Variants in UGT1A5 observed in about 807,000 individuals in gnomAD.
UGT1A5 encodes the protein UDP-glucuronosyltransferase 1A5.
Under a neutral mutation model 40.3 loss-of-function variants are expected in UGT1A5, and 29 were observed. That is an observed-to-expected ratio of 0.72 (90% CI 0.54 to 0.98). UGT1A5 has a LOEUF of 0.98. Among genes scored for constraint, UGT1A5 ranks in the 50% least tolerant of loss-of-function variants. The pLI is 0.00. For synonymous variants in UGT1A5, 257 were observed against 262.5 expected, an observed-to-expected ratio of 0.98 and a Z score of 0.20; for missense variants, 678 against 677.9, an observed-to-expected ratio of 1.00 and a Z score of 0.00.
At chr2:233,751,618 G>A (rs1295625249) in intron 1 of UGT1A5, among the ~76,000 whole-genome samples, 1 of 152,174 alleles carries the variant, frequency 6.6e-6, no homozygotes, top group East Asian at 1.9e-4. Context: ...GAGGTGATTG[G>A]ATCATGTGTG....
At chr2:233,725,624 T>C (rs1443141864) in intron 1 of UGT1A5, among the ~76,000 whole-genome samples, 1 of 152,198 alleles carries the variant, frequency 6.6e-6, no homozygotes, top group African/African-American at 2.4e-5. Flanking sequence ...GTCTTCAAAA[T>C]CTAGCATATA....
intron 1 of UGT1A5, chr2:233,743,413 C>T: frequency 7.6e-7 from 1 of 1,324,104 alleles, no homozygotes; most frequent in South Asian, 1.2e-5. Context: ...GCCCCCACTT[C>T]CCAGGGAGCC....
chr2:233,736,804 G>A (rs1221083478), intron 1 of UGT1A5, among the ~76,000 whole-genome samples: 2 of 152,210 alleles, frequency 1.3e-5, no homozygotes, highest in African/African-American at 4.8e-5. Context: ...GGAGTTTGCT[G>A]GAGGTCCACT....
Position 233,772,517 on chromosome 2 carries a change from A to G in UGT1A5, c.1563A>G (p.Lys521=). Residue 521 remains lysine, a synonymous_variant, in exon 5 of 5, where the codon AAA becomes AAG. Transcript: ENST00000373414. Reference sequence around the variant, plus strand: ...ATGGCTACCGGAAATGCTTGGGGAAAAAAGGGCGAGTTAAGAAAGCCCACA... The same window carrying G: ...ATGGCTACCGGAAATGCTTGGGGAAGAAAGGGCGAGTTAAGAAAGCCCACA... ...CAYGYRKCLG[K]KGRVKKAHKS... 6.2e-7 allele frequency: 1 copy of G among 1,614,222 alleles called. No homozygotes were observed. Among genetic ancestry groups the G allele is most frequent in the South Asian group, 1.1e-5 (1 of 91,086 alleles).
Position 233,772,766 on chromosome 2 carries a change from C to G in UGT1A5, c.*207C>G. The stretch of plus-strand genomic sequence containing the variant: ...AGATATTTGAATATGTATCGTGCCC[C>G]CTCTGGTGTCTTTGATCAGGATGAC... On this transcript the variant is annotated 3_prime_UTR_variant, in exon 5 of 5. Transcript: ENST00000373414. 1 of 1,374,588 alleles carries G rather than the reference C, an allele frequency of 7.3e-7. No homozygotes were observed. Among genetic ancestry groups the G allele is most frequent in the Non-Finnish European group, 9.5e-7 (1 of 1,047,350 alleles). 85.1% of individuals were successfully genotyped at this position (1,374,588 alleles called of 1,614,324 possible).
At chr2:233,757,245 G>C (rs113985508) in intron 1 of UGT1A5, among the ~76,000 whole-genome samples, 3 of 149,596 alleles carry the variant, frequency 2.0e-5, no homozygotes, top group African/African-American at 7.4e-5. Context: ...GTGGTGAGGT[G>C]GGGTTATTCA....
At position 233,767,890 on chromosome 2, in the gene UGT1A5, G is replaced by C; in HGVS notation, c.1041G>C (p.Ala347=). The C allele has an allele frequency of 6.2e-7, 1 of 1,614,096 alleles. No individual in the cohort carries two copies. The highest frequency in any genetic ancestry group is 8.5e-7 in the Non-Finnish European group (1 of 1,180,038). Residue 347 remains alanine (A), a synonymous_variant, in exon 3 of 5, where the codon GCG becomes GCC. Coordinates refer to ENST00000373414, the MANE Select transcript of UGT1A5 (RefSeq NM_019078.2). The part of the protein sequence containing the change: ...RYTGTRPSNL[A]NNTILVKWLP... ...CTGGAACCCGACCATCGAATCTTGCGAACAACACGATACTTGTTAAGTGGC... is the reference window on the plus strand; with the variant it reads ...CTGGAACCCGACCATCGAATCTTGCCAACAACACGATACTTGTTAAGTGGC...
intron 1 of UGT1A5, chr2:233,743,554 A>G: frequency 7.3e-7 from 1 of 1,367,106 alleles, no homozygotes; most frequent in East Asian, 4.6e-5. Flanking sequence ...CCCCCAAAAT[A>G]TTCTCCAGCG....
intron 1 of UGT1A5, chr2:233,743,635 G>C: frequency 1.5e-6 from 2 of 1,367,296 alleles, no homozygotes; most frequent in Non-Finnish European, 2.0e-6. Flanking sequence ...CGGCTGGGTC[G>C]CGGAAGCTGA....
At chr2:233,728,783 A>G (rs1324632843) in intron 1 of UGT1A5, among the ~76,000 whole-genome samples, 1 of 152,246 alleles carries the variant, frequency 6.6e-6, no homozygotes, top group East Asian at 1.9e-4. Flanking sequence ...CCTGATAAAC[A>G]TGGTTAACAG....
chr2:233,757,244 TG>T (rs1006811310), intron 1 of UGT1A5, among the ~76,000 whole-genome samples: 12 of 99,552 alleles, frequency 1.2e-4, no homozygotes, highest in African/African-American at 4.8e-4. Context: ...GGTGGTGAGG[TG>T]GGGTTATTCA....
rs562366711 is a variant in UGT1A5 at position 233,731,551 on chromosome 2, T to C, written c.867+17693T>C. On this transcript the variant is annotated intron_variant, in intron 1 of 4. Transcript: ENST00000373414. The stretch of plus-strand genomic sequence containing the variant: ...CATGCGGTGTTTGGTTTTCTGTCCA[T>C]GTGATAGTTTGCTGAGAATGATGGT... 4.6e-5 allele frequency among the ~76,000 whole-genome samples: 7 copies of C among 152,330 alleles called. 1 individual carries two copies. In the East Asian group the frequency reaches 1.4e-3, roughly 29 times the overall value.
intron 4 of UGT1A5, chr2:233,770,249 C>T (rs1368624656): frequency 1.3e-5 from 2 of 152,160 alleles, no homozygotes; most frequent in Non-Finnish European, 2.9e-5. Flanking sequence ...TTCCAACACT[C>T]TGAGCTGGGG....
At chr2:233,771,579 A>G (rs974224388) in intron 4 of UGT1A5, 2 of 152,312 alleles carry the variant, frequency 1.3e-5, no homozygotes, top group Non-Finnish European at 2.9e-5. Flanking sequence ...GGTTGTTTAC[A>G]ACTTCAAATA....
chr2:233,717,541 C>G (rs1044536522), intron 1 of UGT1A5, among the ~76,000 whole-genome samples: 14 of 152,370 alleles, frequency 9.2e-5, no homozygotes, highest in Non-Finnish European at 1.5e-4. Flanking sequence ...GAAGCCTCAG[C>G]CTCACCAGCA....
intron 1 of UGT1A5, chr2:233,756,058 T>C (rs1696106057): frequency 6.6e-6 from 1 of 152,218 alleles, no homozygotes; most frequent in Admixed American, 6.5e-5. Context: ...CACTGTACAC[T>C]TGTGGGAGAA....
Position 233,772,689 on chromosome 2 carries a change from A to G in UGT1A5, c.*130A>G. ...CTTTGCATAAATTAATCAGCCCCAG[A>G]GTGCTTTAAAAAATTCTCTTAAATA... On this transcript the variant is annotated 3_prime_UTR_variant, in exon 5 of 5. Transcript: ENST00000373414. 6.7e-7 allele frequency: 1 copy of G among 1,492,458 alleles called. No homozygotes were observed. Among genetic ancestry groups the G allele is most frequent in the Non-Finnish European group, 8.9e-7 (1 of 1,128,008 alleles). The allele number at this position is 1,492,458 out of a possible 1,614,324, so 92.5% of individuals were successfully genotyped here. A position where few individuals can be genotyped will look rare whatever the true frequency, so the allele number is the denominator to read the frequency against.
In UGT1A5 at chr2:233,769,692, A is replaced by G; in HGVS notation, c.1307+1253A>G. On this transcript the variant is annotated intron_variant, in intron 4 of 4. Transcript: ENST00000373414. The surrounding 1 kb of genome is among the most constrained non-coding windows in gnomAD (Gnocchi z 4.4). ...GCTAATGTGTGTGTGGTGGCACTGG[A>G]TAAAAGATCAATGTTGGCTAGGCAC... 1.9e-6 allele frequency: 3 copies of G among 1,542,672 alleles called. No individual in the cohort carries two copies. Among genetic ancestry groups the G allele is most frequent in the Non-Finnish European group, 2.6e-6 (3 of 1,143,658 alleles).
intron 1 of UGT1A5, chr2:233,747,813 A>T (rs1693784433): frequency 6.2e-7 from 1 of 1,613,434 alleles, no homozygotes; most frequent in African/African-American, 1.3e-5. Context: ...ACTAACGACC[A>T]ATTCAGACCA....
Sources: allele counts gnomAD v4.1 joint callset (sites outside exome capture counted in the v4.1 genomes callset), GRCh38; gene constraint gnomAD v4.1.1; non-coding constraint Gnocchi (gnomAD v3.1); transcripts MANE v1.5; gene names NCBI Gene and HGNC (gene_info 2026-07-23, HGNC 2026-07-21).